Variants in ZNF804A observed in about 807,000 individuals in gnomAD.
ZNF804A encodes the protein zinc finger protein 804A.
ZNF804A carries 2 observed loss-of-function variants against 16.5 expected under a neutral mutation model. The ratio of observed to expected loss-of-function variants is 0.12; its 90% CI spans 0.05 to 0.38. The LOEUF (loss-of-function observed/expected upper bound fraction) is 0.38, where lower values mean the gene tolerates loss of function less well. Ranked by LOEUF, ZNF804A falls within the 10% of genes least tolerant of loss-of-function variation. The pLI, the probability that ZNF804A is intolerant of heterozygous loss-of-function variation, is 0.99. For missense variants in ZNF804A, 1,473 were observed against 1,390.7 expected (o/e 1.06, Z -0.94); for synonymous variants, 534 against 489.6 (o/e 1.09, Z -1.20).
intron 2 of ZNF804A, among the ~76,000 whole-genome samples, chr2:184,867,510 A>G (rs1040962622): frequency 7.2e-5 from 11 of 152,028 alleles, no homozygotes; most frequent in Non-Finnish European, 4.4e-5. Flanking sequence ...GTTCATACCA[A>G]CTACACTGTG....
intron 1 of ZNF804A, among the ~76,000 whole-genome samples, chr2:184,792,855 T>A (rs184117977): frequency 3.8e-4 from 58 of 152,224 alleles, no homozygotes; most frequent in African/African-American, 1.2e-3. Flanking sequence ...CTGAGGTTTG[T>A]AGTATGGATC....
intron 1 of ZNF804A, among the ~76,000 whole-genome samples, chr2:184,669,391 A>T (rs1163507168): frequency 6.6e-6 from 1 of 152,094 alleles, no homozygotes. Context: ...TTCAAATCGT[A>T]TCTTATAAGC....
chr2:184,905,643 A>G (rs922057452), intron 2 of ZNF804A, among the ~76,000 whole-genome samples: 6 of 152,100 alleles, frequency 3.9e-5, no homozygotes, highest in Non-Finnish European at 8.8e-5. Flanking sequence ...TTTGTTTCCA[A>G]TGTTACTTTT....
At chr2:184,754,227 A>T (rs759426920) in intron 1 of ZNF804A, among the ~76,000 whole-genome samples, 22 of 151,876 alleles carry the variant, frequency 1.4e-4, no homozygotes, top group Non-Finnish European at 2.9e-4. Flanking sequence ...GACACTATTG[A>T]CAGATATTGT....
intron 1 of ZNF804A, among the ~76,000 whole-genome samples, chr2:184,698,084 G>A (rs2105729576): frequency 6.6e-6 from 1 of 152,146 alleles, no homozygotes; most frequent in African/African-American, 2.4e-5. Context: ...CAGTCTTTAT[G>A]TGAGGAATTA....
At chr2:184,895,763 T>G (rs1246457374) in intron 2 of ZNF804A, among the ~76,000 whole-genome samples, 1 of 152,370 alleles carries the variant, frequency 6.6e-6, no homozygotes, top group Middle Eastern at 3.4e-3. Context: ...TTAAAGTGTT[T>G]AGTAATTTCA....
Position 184,938,717 on chromosome 2 carries a change from T to TGCA in ZNF804A, c.3324_3326dup (p.Ala1119dup), listed in dbSNP as rs1244562923. The TGCA allele has an allele frequency of 9.9e-6, 16 of 1,611,254 alleles. No individual in the cohort carries two copies. Among genetic ancestry groups the TGCA allele is most frequent in the Non-Finnish European group, 1.2e-5 (14 of 1,178,290 alleles). On this transcript the variant is annotated inframe_insertion, in exon 4 of 4. Transcript: ENST00000302277. ...ATCACACTGTTTTGCAGCAGCACGCTGCAGCTGCTGCAGCTGCAGCTGCAG... is the reference window on the plus strand; with the variant it reads ...ATCACACTGTTTTGCAGCAGCACGCTGCAGCAGCTGCTGCAGCTGCAGCTGCAG...
At chr2:184,687,070 G>A (rs1168981249) in intron 1 of ZNF804A, among the ~76,000 whole-genome samples, 2 of 152,186 alleles carry the variant, frequency 1.3e-5, no homozygotes, top group South Asian at 4.2e-4. Context: ...GGTTGCTTTG[G>A]GGATTTAATA....
chr2:184,686,964 C>A (rs1042754625), intron 1 of ZNF804A, among the ~76,000 whole-genome samples: 1 of 152,058 alleles, frequency 6.6e-6, no homozygotes, highest in Non-Finnish European at 1.5e-5. Flanking sequence ...TGAATATTTT[C>A]TCTGATTCAG....
At chr2:184,718,570 A>G (rs1387787627) in intron 1 of ZNF804A, among the ~76,000 whole-genome samples, 21 of 152,212 alleles carry the variant, frequency 1.4e-4, no homozygotes, top group Non-Finnish European at 2.9e-5. Flanking sequence ...CTGGGTAAAT[A>G]TAGCCAATCC....
At chr2:184,801,201 TTG>T (rs1694720937) in intron 1 of ZNF804A, among the ~76,000 whole-genome samples, 2 of 152,170 alleles carry the variant, frequency 1.3e-5, no homozygotes, top group African/African-American at 4.8e-5. Context: ...TTAATCGGTA[TTG>T]TGTTTCATCT....
At chr2:184,611,105 T>G (rs1011601416) in intron 1 of ZNF804A, among the ~76,000 whole-genome samples, 2 of 152,138 alleles carry the variant, frequency 1.3e-5, no homozygotes, top group Non-Finnish European at 1.5e-5. Flanking sequence ...AGAGCTTGCT[T>G]CCTCATAGTC....
At chr2:184,666,725 C>T (rs1574153650) in intron 1 of ZNF804A, among the ~76,000 whole-genome samples, 1 of 151,992 alleles carries the variant, frequency 6.6e-6, no homozygotes, top group Non-Finnish European at 1.5e-5. Context: ...GGCAAATTAA[C>T]TTGACATGTT....
At chr2:184,661,775 T>C (rs936667256) in intron 1 of ZNF804A, among the ~76,000 whole-genome samples, 2 of 152,208 alleles carry the variant, frequency 1.3e-5, no homozygotes, top group African/African-American at 4.8e-5. Flanking sequence ...GACCAGTCCC[T>C]GTCTGTCTAG....
At chr2:184,614,458 T>G (rs1691288225) in intron 1 of ZNF804A, among the ~76,000 whole-genome samples, 1 of 152,122 alleles carries the variant, frequency 6.6e-6, no homozygotes, top group African/African-American at 2.4e-5. Context: ...ACTAAAGAGC[T>G]TCTGCACAGC....
intron 1 of ZNF804A, among the ~76,000 whole-genome samples, chr2:184,681,207 G>A (rs1692533219): frequency 6.6e-6 from 1 of 152,118 alleles, no homozygotes; most frequent in South Asian, 2.1e-4. Context: ...AGTCACCACT[G>A]GCCACAGAGG....
At chr2:184,874,658 C>A (rs1219063204) in intron 2 of ZNF804A, among the ~76,000 whole-genome samples, 6 of 152,024 alleles carry the variant, frequency 3.9e-5, no homozygotes, top group Non-Finnish European at 8.8e-5. Flanking sequence ...AAACTTTAAT[C>A]AATATTAAAA....
chr2:184,933,130 TAC>T (rs958879997), intron 2 of ZNF804A, among the ~76,000 whole-genome samples: 2 of 119,410 alleles, frequency 1.7e-5, no homozygotes, highest in Non-Finnish European at 3.5e-5. Context: ...ACTTTTCACT[TAC>T]ACACACACAC....
At position 184,937,785 on chromosome 2, in the gene ZNF804A, A is replaced by G; in HGVS notation, c.2389A>G (p.Arg797Gly). The change falls in exon 4 of 4, where the codon AGG (arginine) becomes GGG (glycine). Residue 797 changes from arginine to glycine, a missense_variant. Transcript: ENST00000302277. ...RQNHLPEEFL[R>G]PPSTSVAPCK... ...GAATCATTTACCAGAAGAATTTTTGAGGCCACCAAGTACTTCAGTTGCTCC... is the reference window on the plus strand; with the variant it reads ...GAATCATTTACCAGAAGAATTTTTGGGGCCACCAAGTACTTCAGTTGCTCC... 1 of 1,614,014 alleles carries G rather than the reference A, an allele frequency of 6.2e-7. No individual in the cohort carries two copies. Among genetic ancestry groups the G allele is most frequent in the Non-Finnish European group, 8.5e-7 (1 of 1,179,960 alleles).
Sources: gnomAD v4.1 joint callset for allele counts (sites outside exome capture counted in the v4.1 genomes callset) on GRCh38, gnomAD v4.1.1 for gene constraint, MANE v1.5 for transcripts, NCBI Gene and HGNC (gene_info 2026-07-23, HGNC 2026-07-21) for gene names.